The following BRINP3 variants were observed in gnomAD, a reference collection of about 807,000 sequenced individuals.
BRINP3 encodes BMP/retinoic acid inducible neural specific 3.
In BRINP3, 19 loss-of-function variants were observed where a neutral mutation model predicts 71.0. That is an observed-to-expected ratio of 0.27 (90% confidence interval 0.19 to 0.39). BRINP3 has a LOEUF of 0.39. Ranked by LOEUF, BRINP3 falls within the 10% of genes least tolerant of loss-of-function variation. BRINP3 has a pLI of 1.00. For synonymous variants in BRINP3, 380 were observed against 337.7 expected (o/e 1.13, Z -1.37); for missense variants, 959 against 940.8 (o/e 1.02, Z -0.25).
In BRINP3 at chr1:190,449,414, C is replaced by T. The variant is rs569509137; in HGVS notation, c.236+5241G>A. On this transcript the variant is annotated intron_variant, in intron 2 of 7. Coordinates refer to ENST00000367462, the MANE Select transcript of BRINP3 (RefSeq NM_199051.3). Reference sequence around the variant, plus strand: ...AAGGGATCATGAAGAGGTAATCTCTCCTACTGAATCTTTAAGATATTTATT... The same window carrying T: ...AAGGGATCATGAAGAGGTAATCTCTTCTACTGAATCTTTAAGATATTTATT... Among the ~76,000 whole-genome samples, 30 of 152,080 alleles carry T rather than the reference C, an allele frequency of 2.0e-4. 2 individuals carry two copies. In the South Asian group the frequency reaches 5.4e-3, roughly 27 times the overall value.
At chr1:190,334,906 GA>G (rs1667191888) in intron 2 of BRINP3, among the ~76,000 whole-genome samples, 1 of 151,734 alleles carries the variant, frequency 6.6e-6, no homozygotes, top group Admixed American at 6.6e-5. Context: ...TCTATAAGAA[GA>G]AAAAAGCATG....
intron 2 of BRINP3, among the ~76,000 whole-genome samples, chr1:190,319,292 C>A (rs1666084782): frequency 6.6e-6 from 1 of 152,092 alleles, no homozygotes; most frequent in Non-Finnish European, 1.5e-5. Context: ...TCCTTCTCCT[C>A]TGGCATATCT....
intron 6 of BRINP3, among the ~76,000 whole-genome samples, chr1:190,195,732 C>G (rs901285372): frequency 2.0e-5 from 3 of 151,702 alleles, no homozygotes; most frequent in African/African-American, 4.8e-5. Flanking sequence ...TCATTTTTTT[C>G]TTCCTCTCAG....
intron 6 of BRINP3, among the ~76,000 whole-genome samples, chr1:190,168,411 C>A (rs1346452964): frequency 1.3e-5 from 2 of 152,026 alleles, no homozygotes; most frequent in Admixed American, 6.6e-5. Flanking sequence ...TTCTGGGGCC[C>A]TGGTATGCTA....
chr1:190,155,285 A>T (rs1386835480), intron 7 of BRINP3, among the ~76,000 whole-genome samples: 1 of 152,050 alleles, frequency 6.6e-6, no homozygotes, highest in African/African-American at 2.4e-5. Context: ...TCATAATAAT[A>T]ATATATTCAA....
At chr1:190,365,840 A>G (rs1669466099) in intron 2 of BRINP3, among the ~76,000 whole-genome samples, 1 of 146,670 alleles carries the variant, frequency 6.8e-6, no homozygotes, top group African/African-American at 2.5e-5. Flanking sequence ...ATATATACAC[A>G]CACACATATA....
chr1:190,393,058 A>G (rs941739933), intron 2 of BRINP3, among the ~76,000 whole-genome samples: 1 of 151,608 alleles, frequency 6.6e-6, no homozygotes, highest in African/African-American at 2.4e-5. Flanking sequence ...GAACCATTAT[A>G]TATTATAATA....
At chr1:190,304,626 T>G (rs1664967541) in intron 2 of BRINP3, among the ~76,000 whole-genome samples, 1 of 151,694 alleles carries the variant, frequency 6.6e-6, no homozygotes, top group Non-Finnish European at 1.5e-5. Context: ...CAACACAAAA[T>G]GGATCAAAGA....
At chr1:190,147,471 T>C (rs1655991742) in intron 7 of BRINP3, among the ~76,000 whole-genome samples, 1 of 152,294 alleles carries the variant, frequency 6.6e-6, no homozygotes, top group Middle Eastern at 3.4e-3. Context: ...ACACTTTATA[T>C]ATATGAAAGT....
intron 7 of BRINP3, among the ~76,000 whole-genome samples, chr1:190,124,133 G>A (rs1216913055): frequency 6.6e-6 from 1 of 152,168 alleles, no homozygotes; most frequent in Non-Finnish European, 1.5e-5. Context: ...TTAGACCACA[G>A]GGCTCTGCCC....
At chr1:190,432,908 A>G (rs980893129) in intron 2 of BRINP3, among the ~76,000 whole-genome samples, 1 of 152,212 alleles carries the variant, frequency 6.6e-6, no homozygotes, top group African/African-American at 2.4e-5. Context: ...AATTATAAAC[A>G]TAGTCTATGT....
At chr1:190,457,460 A>AAAAACAAAAC (rs71561668) in intron 1 of BRINP3, among the ~76,000 whole-genome samples, 50,053 of 151,224 alleles carry the variant, frequency 0.33, 10,112 homozygotes, top group Non-Finnish European at 0.45. Flanking sequence ...ACACAAAAAC[A>AAAAACAAAAC]AAAACAAAAC....
intron 2 of BRINP3, among the ~76,000 whole-genome samples, chr1:190,306,723 T>C (rs899142348): frequency 1.3e-5 from 2 of 151,804 alleles, no homozygotes; most frequent in Non-Finnish European, 2.9e-5. Context: ...AATCAAGATT[T>C]ATTGTACAGC....
chr1:190,208,265 A>G (rs1038803424), intron 6 of BRINP3, among the ~76,000 whole-genome samples: 1 of 151,892 alleles, frequency 6.6e-6, no homozygotes, highest in African/African-American at 2.4e-5. Flanking sequence ...GCCCTGTAAT[A>G]CATACTCTTA....
chr1:190,327,346 A>AAC (rs1367786678), intron 2 of BRINP3, among the ~76,000 whole-genome samples: 61 of 144,658 alleles, frequency 4.2e-4, no homozygotes, highest in Non-Finnish European at 8.8e-4. Context: ...AAAAAAAAAA[A>AAC]AAAAGGAAAA....
At chr1:190,113,726 C>A (rs2153937) in intron 7 of BRINP3, among the ~76,000 whole-genome samples, 1 of 151,940 alleles carries the variant, frequency 6.6e-6, no homozygotes, top group African/African-American at 2.4e-5. Flanking sequence ...AAACTAAAAC[C>A]AGGGAGCATA....
chr1:190,327,351 G>GA (rs1666667604), intron 2 of BRINP3, among the ~76,000 whole-genome samples: 2 of 65,754 alleles, frequency 3.0e-5, no homozygotes, highest in Non-Finnish European at 6.9e-5. Context: ...AAAAAAAAAA[G>GA]GAAAAAAAAA....
intron 2 of BRINP3, among the ~76,000 whole-genome samples, chr1:190,397,706 C>T (rs2102339282): frequency 6.6e-6 from 1 of 151,884 alleles, no homozygotes; most frequent in Non-Finnish European, 1.5e-5. Flanking sequence ...AGTTTGAATA[C>T]AGGAGGTGAA....
chr1:190,460,413 GTAAA>G lies in BRINP3; in HGVS notation c.-50-5477_-50-5474del, dbSNP rs1387260939. 5.3e-5 allele frequency among the ~76,000 whole-genome samples: 8 copies of G among 151,898 alleles called. No individual in the cohort carries two copies. The East Asian group carries it at 1.5e-3, about 29-fold the overall frequency. On this transcript the variant is annotated intron_variant, in intron 1 of 7. Coordinates refer to ENST00000367462, the MANE Select transcript of BRINP3 (RefSeq NM_199051.3). ...GAATACTAAATACATAATTGTGTAAGTAAATAAATGGTAGATGAGGTAAAAATAT... is the reference window on the plus strand; with the variant it reads ...GAATACTAAATACATAATTGTGTAAGTAAATGGTAGATGAGGTAAAAATAT...
Sources: allele counts gnomAD v4.1 joint callset (sites outside exome capture counted in the v4.1 genomes callset), GRCh38; gene constraint gnomAD v4.1.1; transcripts MANE v1.5; gene names NCBI Gene and HGNC (gene_info 2026-07-23, HGNC 2026-07-21).